The following ZNF365 variants were observed in gnomAD, a reference collection of about 807,000 sequenced individuals.
ZNF365 encodes zinc finger protein 365.
ZNF365 carries 22 observed loss-of-function variants against 35.0 expected under a neutral mutation model. That is an observed-to-expected ratio of 0.63 (90% CI 0.45 to 0.90). The LOEUF is 0.90. Among genes scored for constraint, ZNF365 ranks in the 40% least tolerant of loss-of-function variants. ZNF365 has a pLI of 0.00. For missense variants in ZNF365, 448 were observed against 500.3 expected, an observed-to-expected ratio of 0.90 and a Z score of 1.00; for synonymous variants, 188 against 196.2, an observed-to-expected ratio of 0.96 and a Z score of 0.35.
chr10:62,476,429 T>C (rs1841132625), intron 4 of ZNF365, among the ~76,000 whole-genome samples: 1 of 152,224 alleles, frequency 6.6e-6, no homozygotes, highest in African/African-American at 2.4e-5. Flanking sequence ...AGGCTTCATT[T>C]GGGATAGCAG....
chr10:62,431,813 T>G (rs1012521995), intron 3 of ZNF365, among the ~76,000 whole-genome samples: 4 of 152,128 alleles, frequency 2.6e-5, no homozygotes, highest in Admixed American at 2.0e-4. Context: ...CCATTTTAAG[T>G]AGAGAGGTTT....
chr10:62,397,640 G>A (rs1589435256), intron 3 of ZNF365, among the ~76,000 whole-genome samples: 1 of 152,182 alleles, frequency 6.6e-6, no homozygotes, highest in South Asian at 2.1e-4. Context: ...AAAAGTGCAT[G>A]CAGATATTTT....
chr10:62,401,048 A>G lies in ZNF365; in HGVS notation c.*1259A>G, dbSNP rs1839819425. ...TCCATGTTATTTTTTCCTTAAATTT[A>G]GCAATATCATCAGGTCTCTTGCAGA... On this transcript the variant is annotated 3_prime_UTR_variant, in exon 5 of 5. Coordinates refer to ENST00000395254, the MANE Select transcript of ZNF365 (RefSeq NM_014951.3). 2.0e-6 allele frequency: 2 copies of G among 985,442 alleles called. No individual in the cohort carries two copies. The highest frequency in any genetic ancestry group is 6.2e-5 in the Admixed American group (1 of 16,260). The allele number at this position is 985,442 out of a possible 1,614,324, so 61.0% of individuals were successfully genotyped here.
downstream of ZNF365, among the ~76,000 whole-genome samples, chr10:62,405,600 C>T (rs1839893769): frequency 6.6e-6 from 1 of 152,200 alleles, no homozygotes; most frequent in Non-Finnish European, 1.5e-5. Context: ...GGTTATTGCA[C>T]CTATGCAAGC....
chr10:62,388,609 G>A, intron 3 of ZNF365, 33 bp downstream of exon 3: 1 of 1,610,754 alleles, frequency 6.2e-7, no homozygotes, highest in African/African-American at 1.3e-5. Context: ...CCGAGTGTAA[G>A]ATCCCTGTGG....
intron 4 of ZNF365, chr10:62,459,807 C>A: frequency 6.2e-7 from 1 of 1,605,576 alleles, no homozygotes; most frequent in Non-Finnish European, 8.5e-7. Flanking sequence ...GGTAAAGCCA[C>A]CACCTGGGTG....
chr10:62,417,084 C>A, intron 3 of ZNF365, among the ~76,000 whole-genome samples: 1 of 151,946 alleles, frequency 6.6e-6, no homozygotes, highest in East Asian at 1.9e-4. Context: ...GAGAAATAAC[C>A]TCAGAAAGTA....
At position 62,464,212 on chromosome 10, in the gene ZNF365, C is replaced by A. The variant is rs146180582; in HGVS notation, c.981+4415C>A. Among the ~76,000 whole-genome samples, 356 of 152,278 alleles carry A rather than the reference C, an allele frequency of 2.3e-3. 1 individual carries two copies. The highest frequency in any genetic ancestry group is 8.2e-3 in the African/African-American group (339 of 41,546). On this transcript the variant is annotated intron_variant, in intron 4 of 4. Coordinates refer to the ZNF365 transcript ENST00000395255. The stretch of plus-strand genomic sequence containing the variant: ...GTTCCTATGCAATTCATTCTTCCTG[C>A]CTTGCTAATTCTTATTCATGCTTAC...
chr10:62,378,764 G>A (rs183393925), intron 2 of ZNF365, among the ~76,000 whole-genome samples: 2 of 152,230 alleles, frequency 1.3e-5, no homozygotes, highest in Admixed American at 1.3e-4. Context: ...TCTGCCAATT[G>A]CACGCTGAAT....
At chr10:62,386,307 A>G (rs533697996) in intron 2 of ZNF365, among the ~76,000 whole-genome samples, 1 of 152,314 alleles carries the variant, frequency 6.6e-6, no homozygotes, top group East Asian at 1.9e-4. Flanking sequence ...TCTTCTATTG[A>G]GGGCTAATAT....
chr10:62,430,431 C>T lies in ZNF365; in HGVS notation c.925-29310C>T, dbSNP rs374323698. Among the ~76,000 whole-genome samples the T allele has an allele frequency of 1.6e-4, 25 of 152,148 alleles. 1 individual carries two copies. The East Asian group carries it at 4.3e-3, about 26-fold the overall frequency. ...TCCTGACCTCGTGATCCACCCGCCT[C>T]GGCCTCCCAGAGTGCTGGGATTACA... On this transcript the variant is annotated intron_variant, in intron 3 of 4. Coordinates refer to the ZNF365 transcript ENST00000395255.
At chr10:62,429,574 G>A (rs539408429) in intron 3 of ZNF365, among the ~76,000 whole-genome samples, 2 of 152,198 alleles carry the variant, frequency 1.3e-5, no homozygotes, top group East Asian at 3.9e-4. Flanking sequence ...TGAGAGAGAT[G>A]GTGTTGTTGC....
At chr10:62,385,380 C>T (rs1219358665) in intron 2 of ZNF365, among the ~76,000 whole-genome samples, 1 of 152,112 alleles carries the variant, frequency 6.6e-6, no homozygotes, top group Non-Finnish European at 1.5e-5. Context: ...AAATTAATAT[C>T]AGCATTAATA....
intron 3 of ZNF365, among the ~76,000 whole-genome samples, chr10:62,391,554 G>A (rs770759791): frequency 9.8e-5 from 15 of 152,302 alleles, no homozygotes; most frequent in East Asian, 5.8e-4. Flanking sequence ...TTCCATCCAC[G>A]TTGCTGAGAA....
At position 62,459,452 on chromosome 10, in the gene ZNF365, T is replaced by C. The variant is rs2132479686; in HGVS notation, c.925-289T>C. 2.0e-5 allele frequency among the ~76,000 whole-genome samples: 3 copies of C among 152,332 alleles called. No homozygotes were observed. In the Middle Eastern group the frequency reaches 0.01, roughly 518 times the overall value. ...CCCAGATGGGAGGGAACAGAGAATG[T>C]ACACACATCCAGACTAAAATATACC... On this transcript the variant is annotated intron_variant, in intron 3 of 4. Coordinates refer to the ZNF365 transcript ENST00000395255.
At chr10:62,420,284 T>C (rs982266803) in intron 3 of ZNF365, among the ~76,000 whole-genome samples, 5 of 152,234 alleles carry the variant, frequency 3.3e-5, no homozygotes, top group African/African-American at 1.2e-4. Context: ...TAACTCGTAA[T>C]AAATATTTGT....
At chr10:62,451,647 C>T (rs1019592341) in intron 3 of ZNF365, among the ~76,000 whole-genome samples, 2 of 152,204 alleles carry the variant, frequency 1.3e-5, no homozygotes, top group Admixed American at 6.5e-5. Context: ...AAAGAGCTTT[C>T]CTTGCCATGC....
chr10:62,449,567 C>A (rs1840644801), intron 3 of ZNF365, among the ~76,000 whole-genome samples: 1 of 151,994 alleles, frequency 6.6e-6, no homozygotes, highest in Non-Finnish European at 1.5e-5. Flanking sequence ...TTTTCTGTAC[C>A]ATTGGAACAT....
Position 62,402,340 on chromosome 10 carries a change from A to G in ZNF365, c.*2551A>G, listed in dbSNP as rs1839843006. 1.2e-5 allele frequency: 12 copies of G among 985,494 alleles called. No individual in the cohort carries two copies. The highest frequency in any genetic ancestry group is 3.5e-5 in the African/African-American group (2 of 57,240). The allele number at this position is 985,494 out of a possible 1,614,324, so 61.0% of individuals were successfully genotyped here. ...TCAAGTTGCTTAGACATTGTTTTCC[A>G]GTATTCTGCAGGGCCAGTCAGTTGT... is the stretch of plus-strand genomic sequence containing the variant. On this transcript the variant is annotated 3_prime_UTR_variant, in exon 5 of 5. Transcript: ENST00000395254.
Sources: gnomAD v4.1 joint callset for allele counts (sites outside exome capture counted in the v4.1 genomes callset) on GRCh38, gnomAD v4.1.1 for gene constraint, MANE v1.5 for transcripts, NCBI Gene and HGNC (gene_info 2026-07-23, HGNC 2026-07-21) for gene names.